PUM1: variants seen among roughly 807,000 people sequenced by gnomAD.
The protein encoded by PUM1 is pumilio RNA binding family member 1.
PUM1 carries 13 observed loss-of-function variants against 131.8 expected under a neutral mutation model. The observed-to-expected ratio is 0.10, with a 90% CI of 0.06 to 0.16. The LOEUF (loss-of-function observed/expected upper bound fraction) is 0.16. Among genes scored for constraint, PUM1 ranks in the 10% least tolerant of loss-of-function variants. The pLI, the probability that PUM1 is intolerant of heterozygous loss-of-function variation, is 1.00. For synonymous variants in PUM1, 509 were observed against 556.5 expected (o/e 0.91, Z 1.20); for missense variants, 961 against 1,512.4 (o/e 0.64, Z 6.05).
chr1:31,012,002 C>T (rs1255147354), intron 3 of PUM1, among the ~76,000 whole-genome samples: 2 of 152,126 alleles, frequency 1.3e-5, no homozygotes, highest in Non-Finnish European at 2.9e-5. Context: ...GCATATGATG[C>T]ACAAAGAAGC....
At chr1:31,045,654 A>G (rs767660772) in intron 2 of PUM1, among the ~76,000 whole-genome samples, 2 of 152,204 alleles carry the variant, frequency 1.3e-5, no homozygotes, top group East Asian at 3.8e-4. Context: ...CCAAAAACCT[A>G]GAACAGTTTT....
In PUM1 at chr1:30,933,174, G is replaced by A; in HGVS notation, c.*37C>T. 6.3e-7 allele frequency: 1 copy of A among 1,589,972 alleles called. No homozygotes were observed. The highest frequency in any genetic ancestry group is 8.6e-7 in the Non-Finnish European group (1 of 1,167,494). On this transcript the variant is annotated 3_prime_UTR_variant, in exon 22 of 22. Transcript: ENST00000426105. ...GTTGGATTTGCCAGTGGGCCAGTGA[G>A]GTCAGCGGGAATGAGGGAACAGCGG...
At chr1:30,991,593 A>T (rs1386581648) in intron 7 of PUM1, among the ~76,000 whole-genome samples, 2 of 152,214 alleles carry the variant, frequency 1.3e-5, no homozygotes, top group Non-Finnish European at 2.9e-5. Context: ...ATCTATTACA[A>T]AACTACTAAA....
At chr1:31,037,431 A>C (rs2124562266) in intron 2 of PUM1, among the ~76,000 whole-genome samples, 1 of 152,326 alleles carries the variant, frequency 6.6e-6, no homozygotes, top group East Asian at 1.9e-4. Context: ...GATCTAAAAC[A>C]TAATGAATTT....
intron 14 of PUM1, among the ~76,000 whole-genome samples, chr1:30,961,838 G>T (rs762127181): frequency 1.3e-5 from 2 of 152,156 alleles, no homozygotes; most frequent in South Asian, 4.2e-4. Flanking sequence ...GGGGTGAAGG[G>T]TTCTTTTGAG....
chr1:30,940,238 G>A (rs1001335342), intron 20 of PUM1, among the ~76,000 whole-genome samples: 4 of 152,192 alleles, frequency 2.6e-5, no homozygotes, highest in Non-Finnish European at 5.9e-5. Context: ...AGCACTTTGG[G>A]AGGCCTAAGT....
In PUM1 at chr1:31,019,837, G is replaced by C. The variant is rs183953223; in HGVS notation, c.432+8959C>G. Among the ~76,000 whole-genome samples, 3 of 152,154 alleles carry C rather than the reference G, an allele frequency of 2.0e-5. No individual in the cohort carries two copies. In the East Asian group the frequency reaches 5.8e-4, roughly 29 times the overall value. The stretch of plus-strand genomic sequence containing the variant: ...TGCATGATACAGGAACAGCATATAA[G>C]GGATGTTATGTTATCTACAGGTTAC... On this transcript the variant is annotated intron_variant, in intron 3 of 21. Coordinates refer to ENST00000426105, the MANE Select transcript of PUM1 (RefSeq NM_001020658.2).
chr1:30,950,731 G>A (rs560171754), intron 16 of PUM1, among the ~76,000 whole-genome samples: 55 of 152,126 alleles, frequency 3.6e-4, no homozygotes, highest in Non-Finnish European at 5.9e-4. Flanking sequence ...ATGGTGGCAC[G>A]CTCCTGTTAA....
intron 1 of PUM1, among the ~76,000 whole-genome samples, chr1:31,065,305 T>C (rs1570388854): frequency 6.6e-6 from 1 of 152,028 alleles, no homozygotes; most frequent in Non-Finnish European, 1.5e-5. Flanking sequence ...CAATCTTCGG[T>C]GGTTCCCAAC....
At chr1:30,938,173 G>C (rs1174345427) in intron 20 of PUM1, among the ~76,000 whole-genome samples, 1 of 152,200 alleles carries the variant, frequency 6.6e-6, no homozygotes, top group African/African-American at 2.4e-5. Flanking sequence ...CCAACATGCT[G>C]GGGTTACAGG....
At chr1:31,023,428 TA>T (rs1041710190) in intron 3 of PUM1, among the ~76,000 whole-genome samples, 1 of 152,196 alleles carries the variant, frequency 6.6e-6, no homozygotes, top group Admixed American at 6.5e-5. Flanking sequence ...CTGTGGATTC[TA>T]GAAGTACTTT....
At chr1:30,975,806 C>T (rs1641112424) in intron 9 of PUM1, among the ~76,000 whole-genome samples, 1 of 151,906 alleles carries the variant, frequency 6.6e-6, no homozygotes, top group Non-Finnish European at 1.5e-5. Flanking sequence ...GAACCTTAAA[C>T]AAAATTAAGC....
At chr1:30,990,064 G>A (rs1641727715) in intron 7 of PUM1, among the ~76,000 whole-genome samples, 1 of 152,194 alleles carries the variant, frequency 6.6e-6, no homozygotes. Flanking sequence ...TGGATCCAAA[G>A]GACACACATA....
intron 10 of PUM1, among the ~76,000 whole-genome samples, chr1:30,968,871 A>G (rs577912472): frequency 1.3e-5 from 2 of 152,336 alleles, no homozygotes; most frequent in South Asian, 4.1e-4. Flanking sequence ...CATGTGGCAA[A>G]TGGGCAAGTG....
intron 2 of PUM1, among the ~76,000 whole-genome samples, chr1:31,052,921 C>T (rs772445652): frequency 6.6e-6 from 1 of 151,862 alleles, no homozygotes; most frequent in Non-Finnish European, 1.5e-5. Flanking sequence ...CCAGGTTAGT[C>T]TCGAACTCCT....
At chr1:30,954,399 A>AC (rs1258313036) in intron 14 of PUM1, among the ~76,000 whole-genome samples, 6 of 151,788 alleles carry the variant, frequency 4.0e-5, no homozygotes, top group East Asian at 1.9e-4. Flanking sequence ...TTCTTGAATA[A>AC]CCCCCATTTC....
chr1:30,999,606 C>CAAAAAAAAAAAAAAAA (rs56936440), intron 5 of PUM1, among the ~76,000 whole-genome samples: 6 of 53,980 alleles, frequency 1.1e-4, no homozygotes, highest in African/African-American at 4.2e-4. Context: ...GACTCTGTCT[C>CAAAAAAAAAAAAAAAA]AAAAAAAAAA....
At chr1:30,940,601 C>T (rs1420638452) in intron 20 of PUM1, among the ~76,000 whole-genome samples, 1 of 152,166 alleles carries the variant, frequency 6.6e-6, no homozygotes, top group Non-Finnish European at 1.5e-5. Context: ...GGCAGTAGGA[C>T]ATATACAGTA....
chr1:31,005,806 AG>A (rs746611456), intron 5 of PUM1, 46 bp downstream of exon 5: 16 of 1,496,280 alleles, frequency 1.1e-5, no homozygotes, highest in South Asian at 1.4e-5. Context: ...AGAGAGAGAG[AG>A]AGAGAGAGAG....
Sources: gnomAD v4.1 joint callset for allele counts (sites outside exome capture counted in the v4.1 genomes callset) on GRCh38, gnomAD v4.1.1 for gene constraint, MANE v1.5 for transcripts, NCBI Gene and HGNC (gene_info 2026-07-23, HGNC 2026-07-21) for gene names.